FBXL17: variants seen among roughly 807,000 people sequenced by gnomAD.
FBXL17 encodes the protein F-box and leucine rich repeat protein 17.
In FBXL17, 22 loss-of-function variants were observed where a neutral mutation model predicts 66.2. The observed-to-expected ratio is 0.33, with a 90% CI of 0.24 to 0.47. The LOEUF (loss-of-function observed/expected upper bound fraction) is 0.47. Among genes scored for constraint, FBXL17 ranks in the 20% least tolerant of loss-of-function variants. The probability of loss-of-function intolerance (pLI) is 1.00; values close to 1 mark genes in which losing one functional copy is unlikely to be tolerated. For missense variants in FBXL17, 878 were observed against 948.2 expected, an observed-to-expected ratio of 0.93 and a Z score of 0.97; for synonymous variants, 474 against 400.5, an observed-to-expected ratio of 1.18 and a Z score of -2.19.
At chr5:107,983,978 A>C (rs137917777) in intron 7 of FBXL17, among the ~76,000 whole-genome samples, 1,526 of 152,304 alleles carry the variant, frequency 0.01, 94 homozygotes, top group Admixed American at 0.09. Flanking sequence ...CAAAAGAAAA[A>C]AAAAGAAAAT....
At chr5:108,176,614 T>C (rs967839596) in intron 6 of FBXL17, among the ~76,000 whole-genome samples, 1 of 152,136 alleles carries the variant, frequency 6.6e-6, no homozygotes, top group Non-Finnish European at 1.5e-5. Flanking sequence ...CCATCTCATC[T>C]CTTGAAGTTA....
intron 7 of FBXL17, among the ~76,000 whole-genome samples, chr5:107,924,711 A>T (rs968945802): frequency 6.6e-6 from 1 of 152,190 alleles, no homozygotes; most frequent in Non-Finnish European, 1.5e-5. Context: ...CCTAAGAAGA[A>T]TCTTAGGAAC....
intron 5 of FBXL17, among the ~76,000 whole-genome samples, chr5:108,203,183 G>GC (rs1021014006): frequency 1.3e-5 from 2 of 151,786 alleles, no homozygotes; most frequent in African/African-American, 4.8e-5. Flanking sequence ...TTTTTAATTA[G>GC]CTTTTTTTTT....
chr5:107,953,719 C>T (rs989747884), intron 7 of FBXL17, among the ~76,000 whole-genome samples: 4 of 152,144 alleles, frequency 2.6e-5, no homozygotes, highest in African/African-American at 9.7e-5. Context: ...TGCATGAAAT[C>T]GTAAGATCAT....
rs976662011 is a variant in FBXL17 at position 108,222,209 on chromosome 5, G to A, written c.1614+1912C>T. ...ATTTTTGGCCATCTCAAAATGCTGAGGGAAGCACTTACTGATCTAATAAGT... is the reference window on the plus strand; with the variant it reads ...ATTTTTGGCCATCTCAAAATGCTGAAGGAAGCACTTACTGATCTAATAAGT... On this transcript the variant is annotated intron_variant, in intron 5 of 8. Transcript: ENST00000542267. Among the ~76,000 whole-genome samples, 4 of 152,158 alleles carry A rather than the reference G, an allele frequency of 2.6e-5. No individual in the cohort carries two copies. In the South Asian group the frequency reaches 8.3e-4, roughly 32 times the overall value.
At chr5:107,922,053 C>T (rs1278658706) in intron 7 of FBXL17, among the ~76,000 whole-genome samples, 1 of 152,140 alleles carries the variant, frequency 6.6e-6, no homozygotes, top group Non-Finnish European at 1.5e-5. Context: ...CAGAGAGAGG[C>T]CAATAAGACC....
At chr5:107,903,564 G>A (rs1749644147) in intron 7 of FBXL17, among the ~76,000 whole-genome samples, 1 of 152,132 alleles carries the variant, frequency 6.6e-6, no homozygotes, top group Non-Finnish European at 1.5e-5. Context: ...CAGTCATGCA[G>A]TTAGTCAGCG....
intron 7 of FBXL17, among the ~76,000 whole-genome samples, chr5:107,901,737 G>A (rs1334551060): frequency 1.3e-5 from 2 of 152,058 alleles, no homozygotes; most frequent in African/African-American, 2.4e-5. Flanking sequence ...TACATTGTTC[G>A]GTTTCTTTTC....
intron 4 of FBXL17, among the ~76,000 whole-genome samples, chr5:108,293,621 G>A (rs978253469): frequency 4.0e-5 from 6 of 151,810 alleles, no homozygotes; most frequent in African/African-American, 9.7e-5. Context: ...GCTAAATCAC[G>A]GTATATTTTA....
At chr5:108,146,075 C>CA (rs1256994682) in intron 6 of FBXL17, among the ~76,000 whole-genome samples, 1 of 151,588 alleles carries the variant, frequency 6.6e-6, no homozygotes, top group African/African-American at 2.4e-5. Context: ...ACTAAAAATA[C>CA]AAAAAAATTA....
intron 6 of FBXL17, among the ~76,000 whole-genome samples, chr5:108,131,275 T>C (rs751918602): frequency 2.6e-5 from 4 of 152,150 alleles, no homozygotes; most frequent in Admixed American, 6.5e-5. Context: ...CTGAATTCTC[T>C]TATAAATAAA....
At chr5:108,332,246 T>G (rs1760157197) in intron 4 of FBXL17, among the ~76,000 whole-genome samples, 1 of 152,138 alleles carries the variant, frequency 6.6e-6, no homozygotes, top group Non-Finnish European at 1.5e-5. Flanking sequence ...TTCAAAAGCT[T>G]TTTGATAAAT....
intron 6 of FBXL17, among the ~76,000 whole-genome samples, chr5:108,024,390 T>C (rs1468198994): frequency 6.6e-6 from 1 of 152,150 alleles, no homozygotes; most frequent in Non-Finnish European, 1.5e-5. Context: ...TCAAAAGACA[T>C]TCTAGTCTTA....
chr5:108,166,164 C>T (rs996630230), intron 6 of FBXL17, among the ~76,000 whole-genome samples: 1 of 152,166 alleles, frequency 6.6e-6, no homozygotes, highest in Non-Finnish European at 1.5e-5. Context: ...TCAAGTGAGA[C>T]TTTGATGTTG....
intron 6 of FBXL17, among the ~76,000 whole-genome samples, chr5:108,172,260 A>G (rs953183667): frequency 2.6e-5 from 4 of 152,198 alleles, no homozygotes; most frequent in Non-Finnish European, 4.4e-5. Context: ...AAAACGCAAG[A>G]ACAGAAGTTG....
chr5:108,234,002 G>A (rs188065941), intron 4 of FBXL17, among the ~76,000 whole-genome samples: 1 of 152,146 alleles, frequency 6.6e-6, no homozygotes, highest in East Asian at 1.9e-4. Context: ...GCAGGAGGTG[G>A]AAATAATAGG....
intron 6 of FBXL17, among the ~76,000 whole-genome samples, chr5:108,088,421 C>T (rs1012277750): frequency 1.3e-5 from 2 of 151,980 alleles, no homozygotes; most frequent in Admixed American, 1.3e-4. Context: ...GTTTTATTCC[C>T]ATTTTTCTGC....
At chr5:108,255,634 T>C (rs1335929632) in intron 4 of FBXL17, among the ~76,000 whole-genome samples, 1 of 152,164 alleles carries the variant, frequency 6.6e-6, no homozygotes, top group Non-Finnish European at 1.5e-5. Context: ...ACCAGATCCA[T>C]GACATGATCT....
At chr5:108,178,665 G>T (rs7713705) in intron 6 of FBXL17, among the ~76,000 whole-genome samples, 1 of 151,930 alleles carries the variant, frequency 6.6e-6, no homozygotes, top group Admixed American at 6.5e-5. Flanking sequence ...CACCTAACCA[G>T]GCACATTATT....
Sources: gnomAD v4.1 joint callset for allele counts (sites outside exome capture counted in the v4.1 genomes callset) on GRCh38, gnomAD v4.1.1 for gene constraint, MANE v1.5 for transcripts, NCBI Gene and HGNC (gene_info 2026-07-23, HGNC 2026-07-21) for gene names.